ADAMTS17: variants seen among roughly 807,000 people sequenced by gnomAD.
ADAMTS17 encodes the protein A disintegrin and metalloproteinase with thrombospondin motifs 17.
ADAMTS17 carries 113 observed loss-of-function variants against 141.5 expected under a neutral mutation model. That is an observed-to-expected ratio of 0.80 (90% confidence interval 0.69 to 0.93). ADAMTS17 has a LOEUF of 0.93. ADAMTS17 is among the 40% of genes least tolerant of loss of function. The probability of loss-of-function intolerance (pLI) is 0.00; values close to 1 mark genes in which losing one functional copy is unlikely to be tolerated. For synonymous variants in ADAMTS17, 768 were observed against 630.6 expected (o/e 1.22, Z -3.27); for missense variants, 1,659 against 1,517.9 (o/e 1.09, Z -1.54).
At chr15:100,300,562 C>A (rs1328598514) in intron 3 of ADAMTS17, among the ~76,000 whole-genome samples, 1 of 152,212 alleles carries the variant, frequency 6.6e-6, no homozygotes, top group Non-Finnish European at 1.5e-5. Flanking sequence ...AGTGCTTCCA[C>A]GTGCAAAGGA....
chr15:100,048,173 A>T (rs1456216550), intron 18 of ADAMTS17, among the ~76,000 whole-genome samples: 1 of 152,206 alleles, frequency 6.6e-6, no homozygotes, highest in African/African-American at 2.4e-5. Flanking sequence ...CAAATGATAC[A>T]CAGAACCACA....
At position 100,166,385 on chromosome 15, in the gene ADAMTS17, TTGCCTTA is replaced by T. The variant is rs1017155530; in HGVS notation, c.1182-11072_1182-11066del. Among the ~76,000 whole-genome samples the T allele has an allele frequency of 2.6e-5, 4 of 152,330 alleles. No individual in the cohort carries two copies. In the East Asian group the frequency reaches 5.8e-4, roughly 22 times the overall value. On this transcript the variant is annotated intron_variant, in intron 8 of 21. Coordinates refer to ENST00000268070, the MANE Select transcript of ADAMTS17 (RefSeq NM_139057.4). ...CATCCTTTTCTATATTCCTTATTTCTTGCCTTATGAAATTGAACAGGACTTCTAAAAT... is the reference window on the plus strand; with the variant it reads ...CATCCTTTTCTATATTCCTTATTTCTTGAAATTGAACAGGACTTCTAAAAT...
intron 18 of ADAMTS17, among the ~76,000 whole-genome samples, chr15:100,043,961 G>A (rs1303270138): frequency 1.3e-5 from 2 of 151,972 alleles, no homozygotes; most frequent in East Asian, 3.8e-4. Flanking sequence ...CTCATTAATA[G>A]AGTCTGCACT....
At chr15:100,191,677 C>A (rs986906383) in intron 8 of ADAMTS17, among the ~76,000 whole-genome samples, 1 of 152,368 alleles carries the variant, frequency 6.6e-6, no homozygotes, top group Non-Finnish European at 1.5e-5. Context: ...ACAGAGCCCA[C>A]AGTCACAAAT....
intron 15 of ADAMTS17, among the ~76,000 whole-genome samples, chr15:100,056,737 T>C (rs2032605809): frequency 6.6e-6 from 1 of 151,788 alleles, no homozygotes; most frequent in African/African-American, 2.4e-5. Context: ...AAGAAACACC[T>C]CAGAAAGCAT....
chr15:100,308,724 C>T (rs77638090), intron 3 of ADAMTS17, among the ~76,000 whole-genome samples: 8,563 of 152,192 alleles, frequency 0.056, 520 homozygotes, highest in East Asian at 0.23. Flanking sequence ...CTTCTTCTGC[C>T]GGCTACTTTC....
intron 7 of ADAMTS17, among the ~76,000 whole-genome samples, chr15:100,248,007 C>A (rs541696576): frequency 6.6e-6 from 1 of 152,206 alleles, no homozygotes; most frequent in South Asian, 2.1e-4. Context: ...CCAGGGGTGA[C>A]GCAAGGAGGG....
In ADAMTS17 at chr15:100,133,442, G is replaced by A. The variant is rs540282358; in HGVS notation, c.1474-127C>T. On this transcript the variant is annotated intron_variant, in intron 10 of 21. Transcript: ENST00000268070. ...TTCGAAACGTATGGGGAAGCCAGAG[G>A]GTCATAAGTCTGTATGTCCAAAATA... 19 of 856,014 alleles carry A rather than the reference G, an allele frequency of 2.2e-5. No individual in the cohort carries two copies. The East Asian group carries it at 4.5e-4, about 20-fold the overall frequency. The allele number at this position is 856,014 out of a possible 1,614,324, so 53.0% of individuals were successfully genotyped here. A position where few individuals can be genotyped will look rare whatever the true frequency, so the allele number is the denominator to read the frequency against.
At chr15:100,106,838 C>T (rs1321839534) in intron 14 of ADAMTS17, among the ~76,000 whole-genome samples, 1 of 152,246 alleles carries the variant, frequency 6.6e-6, no homozygotes, top group Non-Finnish European at 1.5e-5. Flanking sequence ...TGCCTCATTT[C>T]AGTAACAATG....
At chr15:100,120,489 T>C (rs1468119844) in intron 12 of ADAMTS17, among the ~76,000 whole-genome samples, 2 of 152,220 alleles carry the variant, frequency 1.3e-5, no homozygotes, top group Non-Finnish European at 2.9e-5. Context: ...ATGGCTGACA[T>C]TGCTGTAACC....
intron 3 of ADAMTS17, among the ~76,000 whole-genome samples, chr15:100,303,173 T>G (rs1450847648): frequency 6.8e-6 from 1 of 146,702 alleles, no homozygotes; most frequent in Admixed American, 6.8e-5. Context: ...ATATAAAAAT[T>G]TATATATATA....
intron 8 of ADAMTS17, among the ~76,000 whole-genome samples, chr15:100,166,325 T>C (rs1281793504): frequency 6.6e-6 from 1 of 152,248 alleles, no homozygotes; most frequent in Non-Finnish European, 1.5e-5. Context: ...TTCAGATGAT[T>C]CTTTTACAAT....
At chr15:100,130,865 G>A (rs1270888618) in intron 12 of ADAMTS17, among the ~76,000 whole-genome samples, 1 of 152,136 alleles carries the variant, frequency 6.6e-6, no homozygotes, top group African/African-American at 2.4e-5. Flanking sequence ...TCCCATTACT[G>A]AGTATATACC....
At chr15:100,058,616 G>T (rs1050896703) in intron 15 of ADAMTS17, among the ~76,000 whole-genome samples, 2 of 152,238 alleles carry the variant, frequency 1.3e-5, no homozygotes. Flanking sequence ...AGAGGTGGCG[G>T]CTGGCCTGGG....
chr15:100,330,693 C>A (rs572654414), intron 3 of ADAMTS17, among the ~76,000 whole-genome samples, 196 bp downstream of exon 3: 1 of 152,084 alleles, frequency 6.6e-6, no homozygotes, highest in African/African-American at 2.4e-5. Context: ...AGAAACAAAA[C>A]GATGACTTTT....
intron 7 of ADAMTS17, among the ~76,000 whole-genome samples, chr15:100,203,472 C>A (rs565119670): frequency 2.6e-5 from 4 of 152,082 alleles, no homozygotes; most frequent in African/African-American, 9.7e-5. Flanking sequence ...TTTGGGAGAC[C>A]GAGCAGGCGG....
intron 15 of ADAMTS17, among the ~76,000 whole-genome samples, chr15:100,094,921 A>T (rs114465681): frequency 1.3e-5 from 2 of 152,220 alleles, no homozygotes; most frequent in African/African-American, 4.8e-5. Flanking sequence ...TGTGCTGTCC[A>T]ATAGAACCTT....
At chr15:99,989,469 T>C (rs1485533477) in intron 20 of ADAMTS17, among the ~76,000 whole-genome samples, 1 of 152,214 alleles carries the variant, frequency 6.6e-6, no homozygotes, top group Non-Finnish European at 1.5e-5. Flanking sequence ...ATCTGAACAC[T>C]CAGTGTCCAA....
chr15:100,203,175 C>T (rs2041403403), intron 7 of ADAMTS17, among the ~76,000 whole-genome samples: 1 of 152,186 alleles, frequency 6.6e-6, no homozygotes, highest in Admixed American at 6.5e-5. Flanking sequence ...ACACCCCTGA[C>T]AACAAGCGTG....
Sources: allele counts gnomAD v4.1 joint callset (sites outside exome capture counted in the v4.1 genomes callset), GRCh38; gene constraint gnomAD v4.1.1; transcripts MANE v1.5; gene names NCBI Gene and HGNC (gene_info 2026-07-23, HGNC 2026-07-21).